The following PATJ variants were observed in gnomAD, a reference collection of about 807,000 sequenced individuals.
PATJ encodes inaD-like protein.
Under a neutral mutation model 224.9 loss-of-function variants are expected in PATJ, and 190 were observed. The ratio of observed to expected loss-of-function variants is 0.84; its 90% CI spans 0.75 to 0.95. The LOEUF is 0.95. PATJ is among the 40% of genes least tolerant of loss of function. The probability of loss-of-function intolerance (pLI) is 0.00; values close to 1 mark genes in which losing one functional copy is unlikely to be tolerated. For synonymous variants in PATJ, 769 were observed against 820.3 expected (o/e 0.94, Z 1.07); for missense variants, 2,121 against 2,270.3 (o/e 0.93, Z 1.34).
chr1:61,768,494 A>AATAAATAAATAAATAAATAG (rs1180226104), intron 4 of PATJ, among the ~76,000 whole-genome samples: 1 of 151,888 alleles, frequency 6.6e-6, no homozygotes, highest in Non-Finnish European at 1.5e-5. Flanking sequence ...TAAATAAATA[A>AATAAATAAATAAATAAATAG]ATAGATATCA....
At chr1:62,066,257 C>T (rs1484134984) in intron 31 of PATJ, among the ~76,000 whole-genome samples, 1 of 152,162 alleles carries the variant, frequency 6.6e-6, no homozygotes, top group Admixed American at 6.5e-5. Context: ...TTACTATTCC[C>T]ATTTTATAGA....
At chr1:61,847,717 T>C (rs911601254) in intron 17 of PATJ, among the ~76,000 whole-genome samples, 3 of 152,208 alleles carry the variant, frequency 2.0e-5, no homozygotes, top group Non-Finnish European at 2.9e-5. Context: ...TATTTCTCTT[T>C]CCCAAAAGTA....
chr1:61,855,996 A>G (rs773911856), intron 17 of PATJ, 34 bp from the exon 18 acceptor site: 28 of 1,522,396 alleles, frequency 1.8e-5, no homozygotes, highest in Admixed American at 8.4e-5. Context: ...TTTTCAGTGC[A>G]TGGACTCATC....
chr1:61,793,747 G>A (rs1650397977), intron 9 of PATJ, among the ~76,000 whole-genome samples: 1 of 151,296 alleles, frequency 6.6e-6, no homozygotes, highest in South Asian at 2.1e-4. Context: ...AAAGCCTGGT[G>A]TGTCCAGACT....
At chr1:61,871,048 A>C (rs1484758604) in intron 20 of PATJ, among the ~76,000 whole-genome samples, 2 of 130,732 alleles carry the variant, frequency 1.5e-5, no homozygotes, top group African/African-American at 2.8e-5. Context: ...TCCTTTGTCC[A>C]TTTTTTAAAG....
intron 7 of PATJ, among the ~76,000 whole-genome samples, chr1:61,786,115 A>C (rs6694160): frequency 0.19 from 29,052 of 152,184 alleles, 3,023 homozygotes; most frequent in Admixed American, 0.26. Context: ...TCCGCCTCCC[A>C]GGTTCAAGTG....
chr1:61,799,535 A>G (rs549591125), intron 11 of PATJ, among the ~76,000 whole-genome samples: 4 of 152,204 alleles, frequency 2.6e-5, no homozygotes, highest in Non-Finnish European at 5.9e-5. Flanking sequence ...ATAAATATTT[A>G]TATAAATGTT....
chr1:61,853,490 T>G (rs1663159160), intron 17 of PATJ, among the ~76,000 whole-genome samples: 1 of 152,198 alleles, frequency 6.6e-6, no homozygotes, highest in African/African-American at 2.4e-5. Context: ...TGTTAGCTGC[T>G]GGGCAGTTCA....
intron 22 of PATJ, among the ~76,000 whole-genome samples, chr1:61,898,048 A>C (rs1402538063): frequency 6.6e-6 from 1 of 152,162 alleles, no homozygotes; most frequent in African/African-American, 2.4e-5. Flanking sequence ...GTAGAGGGCC[A>C]AGAAGGTGGA....
intron 29 of PATJ, among the ~76,000 whole-genome samples, chr1:62,037,069 C>T (rs1650562806): frequency 1.3e-5 from 2 of 151,910 alleles, no homozygotes; most frequent in East Asian, 1.9e-4. Flanking sequence ...CCAAGTCAGG[C>T]AATAGCTCTT....
At chr1:62,044,866 G>A (rs940311651) in intron 30 of PATJ, among the ~76,000 whole-genome samples, 4 of 152,174 alleles carry the variant, frequency 2.6e-5, no homozygotes, top group African/African-American at 7.2e-5. Flanking sequence ...GTGAATTTAG[G>A]TTGGCGATGA....
Position 62,121,109 on chromosome 1 carries a change from T to C in PATJ, c.4891-72T>C, listed in dbSNP as rs955093169. The C allele has an allele frequency of 6.4e-6, 6 of 936,870 alleles. No homozygotes were observed. In the African/African-American group the frequency reaches 1.0e-4, roughly 16 times the overall value. 58.0% of individuals were successfully genotyped at this position (936,870 alleles called of 1,614,324 possible). ...ATGGTGACATCAGTAATTGGCACAC[T>C]AATGGATAAGTATGCATTTAGGGGG... On this transcript the variant is annotated intron_variant, in intron 37 of 43. Coordinates refer to ENST00000642238, the MANE Select transcript of PATJ (RefSeq NM_001350145.3).
chr1:61,834,806 G>A (rs1396824428), intron 17 of PATJ, among the ~76,000 whole-genome samples: 1 of 152,098 alleles, frequency 6.6e-6, no homozygotes, highest in African/African-American at 2.4e-5. Flanking sequence ...GCAGTAGCAT[G>A]CAACCTCTAT....
In PATJ at chr1:61,993,214, G is replaced by A. The variant is rs1240244639; in HGVS notation, c.3867+2850G>A. Among the ~76,000 whole-genome samples the A allele has an allele frequency of 7.2e-5, 11 of 152,170 alleles. 1 individual carries two copies. Among genetic ancestry groups the A allele is most frequent in the Admixed American group, 7.2e-4 (11 of 15,270 alleles). On this transcript the variant is annotated intron_variant, in intron 28 of 43. Transcript: ENST00000642238. ...TAATTTGCTAGGGTGGCTCACACAA[G>A]TCAGGGAAACAATTTACTTATATTT...
intron 27 of PATJ, among the ~76,000 whole-genome samples, chr1:61,985,901 T>G (rs1644730406): frequency 6.6e-6 from 1 of 152,012 alleles, no homozygotes; most frequent in Non-Finnish European, 1.5e-5. Flanking sequence ...ACTTTAAAAC[T>G]CGACATAACT....
At chr1:61,789,309 AAT>A (rs1300850487) in intron 8 of PATJ, among the ~76,000 whole-genome samples, 4 of 150,334 alleles carry the variant, frequency 2.7e-5, no homozygotes, top group Non-Finnish European at 6.0e-5. Flanking sequence ...CTATTAAAAA[AAT>A]AAATAAATAA....
intron 27 of PATJ, among the ~76,000 whole-genome samples, chr1:61,940,399 T>C (rs1323306418): frequency 1.3e-5 from 2 of 152,146 alleles, no homozygotes; most frequent in African/African-American, 4.8e-5. Flanking sequence ...AATTCTTCAA[T>C]GTGTGCCACA....
At chr1:62,030,856 C>G (rs1392324912) in intron 29 of PATJ, among the ~76,000 whole-genome samples, 2 of 152,148 alleles carry the variant, frequency 1.3e-5, no homozygotes, top group Admixed American at 6.5e-5. Flanking sequence ...AAGTTTGTTC[C>G]TTTAATCACA....
chr1:62,048,553 AAAAAAAAAAAAAAAAAAG>A (rs1652979015), intron 30 of PATJ, among the ~76,000 whole-genome samples: 1 of 127,214 alleles, frequency 7.9e-6, no homozygotes, highest in African/African-American at 4.6e-5. Flanking sequence ...CTCAAAAAAA[AAAAAAAAAAAAAAAAAAG>A]AAAAAGAAAG....
Sources: gnomAD v4.1 joint callset for allele counts (sites outside exome capture counted in the v4.1 genomes callset) on GRCh38, gnomAD v4.1.1 for gene constraint, MANE v1.5 for transcripts, NCBI Gene and HGNC (gene_info 2026-07-23, HGNC 2026-07-21) for gene names.